BBOF1: variants seen among roughly 807,000 people sequenced by gnomAD.
BBOF1 encodes the protein basal body-orientation factor 1.
BBOF1 carries 62 observed loss-of-function variants against 68.0 expected under a neutral mutation model. That is an observed-to-expected ratio of 0.91 (90% CI 0.74 to 1.13). The LOEUF is 1.13. Among genes scored for constraint, BBOF1 ranks in the 50% most tolerant of loss-of-function variants. The pLI is 0.00. For synonymous variants in BBOF1, 208 were observed against 198.8 expected (o/e 1.05, Z -0.39); for missense variants, 534 against 600.1 (o/e 0.89, Z 1.15).
At chr14:74,035,413 CTTT>C (rs35957144) in intron 4 of BBOF1, among the ~76,000 whole-genome samples, 1,579 of 97,314 alleles carry the variant, frequency 0.016, 21 homozygotes, top group African/African-American at 0.044. Context: ...CATATGGGCC[CTTT>C]TTTTTTTTTT....
At chr14:74,042,547 G>C (rs968440234) in intron 5 of BBOF1, among the ~76,000 whole-genome samples, 1 of 152,170 alleles carries the variant, frequency 6.6e-6, no homozygotes, top group South Asian at 2.1e-4. Flanking sequence ...CTGTGTTCAA[G>C]ACAAGAAGGG....
Position 74,046,061 on chromosome 14 carries a change from A to G in BBOF1, c.578A>G (p.His193Arg). Residue 193 changes from histidine to arginine, a missense_variant and splice_region_variant, in exon 6 of 12, where the codon CAC (histidine) becomes CGC (arginine). Physicochemically the swap from His to Arg is conservative, Grantham distance 29 (BLOSUM62 0). Transcript: ENST00000394009. ...TAAGCAGCCCATTTTCTTTTTTAGC[A>G]CCGACTAGAACAAGAGGCTGAAAAG... ...RLESRFFEEK[H>R]RLEQEAEKKI... The G allele has an allele frequency of 1.2e-6, 2 of 1,604,436 alleles. No homozygotes were observed. Among genetic ancestry groups the G allele is most frequent in the Non-Finnish European group, 8.5e-7 (1 of 1,175,788 alleles).
At chr14:74,064,142 CA>C (rs879592424) in intron 11 of BBOF1, among the ~76,000 whole-genome samples, 2 of 150,362 alleles carry the variant, frequency 1.3e-5, no homozygotes, top group Admixed American at 6.7e-5. Flanking sequence ...TACTAAAAAA[CA>C]AAAAATTATC....
At chr14:74,070,388 G>A (rs150181663), downstream of BBOF1, among the ~76,000 whole-genome samples, 715 of 152,066 alleles carry the variant, frequency 4.7e-3, 2 homozygotes, top group African/African-American at 0.015. Context: ...GCACGGTGGC[G>A]CATGCCTGTA....
intron 3 of BBOF1, among the ~76,000 whole-genome samples, chr14:74,031,301 T>C: frequency 6.6e-6 from 1 of 151,962 alleles, no homozygotes; most frequent in East Asian, 1.9e-4. Context: ...TTTGTAGAGA[T>C]GGGGTCTCCC....
At chr14:74,053,315 G>A (rs1286412355) in intron 8 of BBOF1, among the ~76,000 whole-genome samples, 9 of 150,442 alleles carry the variant, frequency 6.0e-5, no homozygotes, top group Non-Finnish European at 4.4e-5. Flanking sequence ...GTTTCACCAT[G>A]TCAGCCAAGA....
intron 9 of BBOF1, chr14:74,074,839 A>G: frequency 9.2e-7 from 1 of 1,089,876 alleles, no homozygotes; most frequent in East Asian, 2.5e-5. Context: ...CAAAAGGAGG[A>G]AAAAACTAGA....
intron 5 of BBOF1, among the ~76,000 whole-genome samples, chr14:74,042,873 C>CACACAG (rs368195296): frequency 9.5e-6 from 1 of 105,180 alleles, no homozygotes; most frequent in Non-Finnish European, 1.9e-5. Context: ...TACACACACA[C>CACACAG]ACACAGACAC....
At chr14:74,034,809 A>G (rs1210884656) in intron 4 of BBOF1, among the ~76,000 whole-genome samples, 2 of 152,166 alleles carry the variant, frequency 1.3e-5, no homozygotes, top group Non-Finnish European at 2.9e-5. Flanking sequence ...TTAGTATCTC[A>G]GCCAGGCATG....
Position 74,055,662 on chromosome 14 carries a change from A to C in BBOF1, c.1365A>C (p.Ala455=), listed in dbSNP as rs377090766. 3 of 1,613,680 alleles carry C rather than the reference A, an allele frequency of 1.9e-6. No individual in the cohort carries two copies. Among genetic ancestry groups the C allele is most frequent in the Non-Finnish European group, 2.5e-6 (3 of 1,179,648 alleles). ...AAAAAGTATTGCGATTGCTCTTTGC[A>C]AAAATGAATGGCTGTCCTTCTAGGT... ...QKEKVLRLLF[A]KMNGCPSRKY... is the part of the protein sequence containing the mutation. The change falls in exon 9 of 12, where the codon GCA becomes GCC. Residue 455 remains alanine (A), a synonymous_variant. Coordinates refer to ENST00000394009, the MANE Select transcript of BBOF1 (RefSeq NM_025057.3).
chr14:74,021,288 T>C (rs1324962572), intron 1 of BBOF1, among the ~76,000 whole-genome samples: 1 of 152,148 alleles, frequency 6.6e-6, no homozygotes, highest in African/African-American at 2.4e-5. Context: ...TTATGGTTTC[T>C]CAGGCATCCT....
chr14:74,053,154 C>T (rs538653878), intron 8 of BBOF1, among the ~76,000 whole-genome samples: 15 of 151,992 alleles, frequency 9.9e-5, no homozygotes, highest in South Asian at 6.2e-4. Context: ...CTCACTCTGT[C>T]GCCAGGCTGG....
At chr14:74,037,514 T>C (rs1463965473) in intron 4 of BBOF1, among the ~76,000 whole-genome samples, 1 of 148,324 alleles carries the variant, frequency 6.7e-6, no homozygotes, top group Non-Finnish European at 1.5e-5. Flanking sequence ...GGTCTCGAAC[T>C]CCTGGGCTCA....
rs780515040 is a variant in BBOF1, at chr14:74,032,118, A to ATTTT, written c.352-1888_352-1885dup. Among the ~76,000 whole-genome samples, 118 of 99,670 alleles carry ATTTT rather than the reference A, an allele frequency of 1.2e-3. 3 individuals are homozygous for ATTTT. Among genetic ancestry groups the ATTTT allele is most frequent in the African/African-American group, 2.9e-3 (70 of 24,202 alleles). The allele number at this position is 99,670 out of a possible 152,430, so 65.4% of individuals were successfully genotyped here. The stretch of plus-strand genomic sequence containing the variant: ...CCAACAGAGTCTATTCTCAAAGTTG[A>ATTTT]TTTTTTTTTTTTTTTTTTTTTTTTT... On this transcript the variant is annotated intron_variant, in intron 3 of 11. Coordinates refer to ENST00000394009, the MANE Select transcript of BBOF1 (RefSeq NM_025057.3).
rs1180946180 is a variant in BBOF1, at chr14:74,056,989, T to G, written c.1463+9T>G. 1 of 1,610,654 alleles carries G rather than the reference T, an allele frequency of 6.2e-7. No individual in the cohort carries two copies. The highest frequency in any genetic ancestry group is 8.5e-7 in the Non-Finnish European group (1 of 1,177,740). On this transcript the variant is annotated intron_variant, in intron 10 of 11. Transcript: ENST00000394009. The stretch of plus-strand genomic sequence containing the variant: ...GAAACAAAGGAATTTGGGTAAGAGC[T>G]CTCTTGCTTAAGTAATAAACATGAG...
intron 10 of BBOF1, among the ~76,000 whole-genome samples, chr14:74,079,455 A>T (rs2060649440): frequency 7.1e-6 from 1 of 140,978 alleles, no homozygotes; most frequent in African/African-American, 2.7e-5. Flanking sequence ...TTTTTTTGAG[A>T]CAGAGTCTCA....
intron 10 of BBOF1, chr14:74,081,066 G>A (rs981227810): frequency 3.3e-5 from 5 of 152,040 alleles, no homozygotes; most frequent in African/African-American, 1.2e-4. Context: ...TACTCCTTTA[G>A]GTCCCCACTC....
chr14:74,032,356 AC>A (rs2059591682), intron 3 of BBOF1, among the ~76,000 whole-genome samples: 1 of 151,662 alleles, frequency 6.6e-6, no homozygotes, highest in African/African-American at 2.4e-5. Context: ...TGAACTCCTG[AC>A]CTCAAGTGAT....
At chr14:74,082,400 T>G (rs1348531400) in intron 12 of BBOF1, among the ~76,000 whole-genome samples, 3 of 137,404 alleles carry the variant, frequency 2.2e-5, no homozygotes, top group African/African-American at 5.6e-5. Context: ...GAGGTTTTTT[T>G]TTTTTTTTTT....
Sources: gnomAD v4.1 joint callset for allele counts (sites outside exome capture counted in the v4.1 genomes callset) on GRCh38, gnomAD v4.1.1 for gene constraint, MANE v1.5 for transcripts, NCBI Gene and HGNC (gene_info 2026-07-23, HGNC 2026-07-21) for gene names.